Variants in GPATCH11 observed in about 807,000 individuals in gnomAD.
GPATCH11 encodes G patch domain-containing protein 11.
A neutral mutation model predicts 44.8 loss-of-function variants in GPATCH11; 32 were observed. That is an observed-to-expected ratio of 0.71 (90% CI 0.54 to 0.96). The LOEUF is 0.96. GPATCH11 is among the 40% of genes least tolerant of loss of function. The pLI is 0.00. For synonymous variants in GPATCH11, 84 were observed against 94.4 expected, an observed-to-expected ratio of 0.89 and a Z score of 0.64; for missense variants, 324 against 303.1, an observed-to-expected ratio of 1.07 and a Z score of -0.51.
In GPATCH11 at chr2:37,088,350, A is replaced by G. The variant is rs770190654; in HGVS notation, c.-13-19A>G. 2 of 1,288,580 alleles carry G rather than the reference A, an allele frequency of 1.6e-6. No homozygotes were observed. The highest frequency in any genetic ancestry group is 2.2e-6 in the Non-Finnish European group (2 of 929,212). 79.8% of individuals were successfully genotyped at this position (1,288,580 alleles called of 1,614,324 possible). ...TTCTGATAAACTAAAAAAAAAAGTA[A>G]TTATTACTTTATTTGTAGATACTAT... On this transcript the variant is annotated intron_variant, in intron 1 of 8. Transcript: ENST00000674370.
At chr2:37,085,397 G>A (rs1373212058) in intron 1 of GPATCH11, among the ~76,000 whole-genome samples, 1 of 152,300 alleles carries the variant, frequency 6.6e-6, no homozygotes, top group Non-Finnish European at 1.5e-5. Context: ...TACTGGGTAA[G>A]TGTTAAACCA....
At chr2:37,092,864 G>A (rs990433333) in intron 6 of GPATCH11, among the ~76,000 whole-genome samples, 1 of 152,098 alleles carries the variant, frequency 6.6e-6, no homozygotes, top group African/African-American at 2.4e-5. Flanking sequence ...AATCAGAGTG[G>A]GCCAGGCATG....
intron 6 of GPATCH11, among the ~76,000 whole-genome samples, chr2:37,092,970 A>G (rs1383077410): frequency 1.3e-5 from 2 of 151,476 alleles, no homozygotes; most frequent in Non-Finnish European, 2.9e-5. Flanking sequence ...ACATTTCAAG[A>G]CTCCATCTCT....
At chr2:37,094,985 A>G (rs908255632) in intron 7 of GPATCH11, among the ~76,000 whole-genome samples, 8 of 152,190 alleles carry the variant, frequency 5.3e-5, no homozygotes, top group African/African-American at 1.4e-4. Flanking sequence ...CAAGAAAGGA[A>G]AACACACTCG....
rs1322782916 is a variant in GPATCH11, at chr2:37,089,653, C to T, written c.73C>T (p.Pro25Ser). 6.5e-7 allele frequency: 1 copy of T among 1,550,256 alleles called. No individual in the cohort carries two copies. Among genetic ancestry groups the T allele is most frequent in the Non-Finnish European group, 8.7e-7 (1 of 1,146,436 alleles). The change falls in exon 3 of 9, where the codon CCA becomes TCA. Residue 25 changes from proline (P) to serine (S), a missense_variant. Pro to Ser is a moderately conservative substitution (Grantham distance 74). Transcript: ENST00000674370. The part of the protein sequence containing the change: ...SFINVQEDIR[P>S]GLPMLRQIRE... ...TCCCTTATTCAGAGAAGATATCAGACCAGGATTGCCAATGCTAAGGCAAAT... is the reference window on the plus strand; with the variant it reads ...TCCCTTATTCAGAGAAGATATCAGATCAGGATTGCCAATGCTAAGGCAAAT...
At position 37,092,264 on chromosome 2, in the gene GPATCH11, T is replaced by A. The variant is rs200535916; in HGVS notation, c.540+9T>A. On this transcript the variant is annotated intron_variant, in intron 6 of 8. Coordinates refer to ENST00000674370, the MANE Select transcript of GPATCH11 (RefSeq NM_174931.4). ...AACTGGATGTCCAGAAAGTAAGCCT[T>A]TTACCAGCTTTCAGTTTAGTAAAGT... The A allele has an allele frequency of 4.1e-4, 572 of 1,409,384 alleles. 4 individuals carry two copies. The South Asian group carries it at 7.7e-3, about 19-fold the overall frequency. The allele number at this position is 1,409,384 out of a possible 1,614,324, so 87.3% of individuals were successfully genotyped here.
At chr2:37,093,820 C>T (rs984046328) in intron 6 of GPATCH11, among the ~76,000 whole-genome samples, 1 of 152,072 alleles carries the variant, frequency 6.6e-6, no homozygotes, top group African/African-American at 2.4e-5. Flanking sequence ...CCACGCCCAG[C>T]TAATTTTTGT....
intron 2 of GPATCH11, among the ~76,000 whole-genome samples, chr2:37,089,393 C>G (rs1673196801): frequency 1.3e-5 from 2 of 151,910 alleles, no homozygotes; most frequent in Admixed American, 6.6e-5. Context: ...ATGGCAAAAC[C>G]CCGTCTCTAC....
chr2:37,090,781 A>C lies in GPATCH11; in HGVS notation c.328+59A>C. 6.2e-6 allele frequency: 5 copies of C among 802,064 alleles called. No homozygotes were observed. The South Asian group carries it at 8.8e-5, about 14-fold the overall frequency. 49.7% of individuals were successfully genotyped at this position (802,064 alleles called of 1,614,324 possible). ...ATAATAACTTACGCTTAGGTCTACC[A>C]CATATATTTGCTCAATAAATACTTT... On this transcript the variant is annotated intron_variant, in intron 4 of 8. Transcript: ENST00000674370.
Position 37,084,524 on chromosome 2 carries a change from AGC to A in GPATCH11, c.-53_-52del, listed in dbSNP as rs3084427. On this transcript the variant is annotated 5_prime_UTR_variant, in exon 1 of 9. The change creates a premature stop within an existing upstream ORF in the 5' untranslated region. Coordinates refer to ENST00000674370, the MANE Select transcript of GPATCH11 (RefSeq NM_174931.4). Reference sequence around the variant, plus strand: ...GACGCTGGTCGGTGGGCGCATGCGCAGCGCGCGCTCTACGGCGCTGAACCGGG... The same window carrying A: ...GACGCTGGTCGGTGGGCGCATGCGCAGCGCGCTCTACGGCGCTGAACCGGG... 2 of 1,232,618 alleles carry A rather than the reference AGC, an allele frequency of 1.6e-6. No individual in the cohort carries two copies. Among genetic ancestry groups the A allele is most frequent in the Non-Finnish European group, 2.0e-6 (2 of 988,314 alleles). 76.4% of individuals were successfully genotyped at this position (1,232,618 alleles called of 1,614,324 possible).
chr2:37,085,499 G>A (rs1480251187), intron 1 of GPATCH11, among the ~76,000 whole-genome samples: 1 of 152,162 alleles, frequency 6.6e-6, no homozygotes, highest in African/African-American at 2.4e-5. Flanking sequence ...AATAGTGCAC[G>A]TTTTTAACTT....
At position 37,090,709 on chromosome 2, in the gene GPATCH11, C is replaced by A; in HGVS notation, c.315C>A (p.Leu105=). Residue 105 remains leucine (L), a synonymous_variant, in exon 4 of 9, where the codon CTC becomes CTA. Coordinates refer to ENST00000674370, the MANE Select transcript of GPATCH11 (RefSeq NM_174931.4). ...GTGGTATTGTTGAACCAATTCCTCT[C>A]AATATCAAAACAGGTACGTAATTAT... ...SGGGIVEPIP[L]NIKTGKSGIG... The A allele has an allele frequency of 6.8e-7, 1 of 1,463,440 alleles. No homozygotes were observed. The highest frequency in any genetic ancestry group is 9.3e-7 in the Non-Finnish European group (1 of 1,072,772). 90.7% of individuals were successfully genotyped at this position (1,463,440 alleles called of 1,614,324 possible). A position where few individuals can be genotyped will look rare whatever the true frequency, so the allele number is the denominator to read the frequency against.
chr2:37,095,539 T>C (rs1275523301), intron 8 of GPATCH11, 21 bp downstream of exon 8: 3 of 1,557,642 alleles, frequency 1.9e-6, no homozygotes, highest in Middle Eastern at 1.7e-4. Flanking sequence ...TACTTTATGC[T>C]TTTTAAAAAT....
chr2:37,084,660 C>A, intron 1 of GPATCH11, 90 bp downstream of exon 1: 1 of 1,077,852 alleles, frequency 9.3e-7, no homozygotes, highest in Non-Finnish European at 1.2e-6. Context: ...ATCACACCGT[C>A]AGCCACTTTT....
intron 2 of GPATCH11, among the ~76,000 whole-genome samples, chr2:37,089,435 T>C (rs1673199989): frequency 6.6e-6 from 1 of 152,022 alleles, no homozygotes; most frequent in Admixed American, 6.6e-5. Context: ...GGCATGGTCG[T>C]GGGCGCCTGT....
chr2:37,089,311 A>C (rs997649004), intron 2 of GPATCH11, among the ~76,000 whole-genome samples: 32 of 152,170 alleles, frequency 2.1e-4, no homozygotes, highest in Non-Finnish European at 8.8e-5. Flanking sequence ...TCACGCCTGT[A>C]ATCCCAGCAC....
Position 37,098,443 on chromosome 2 carries a change from T to C in GPATCH11, c.*2180T>C, listed in dbSNP as rs1233273726. Reference sequence around the variant, plus strand: ...TTACCCTTGCAATTCCAGTCAATACTGTGGTGTCATTTCAGCCAACATACC... The same window carrying C: ...TTACCCTTGCAATTCCAGTCAATACCGTGGTGTCATTTCAGCCAACATACC... On this transcript the variant is annotated 3_prime_UTR_variant, in exon 9 of 9. Coordinates refer to ENST00000674370, the MANE Select transcript of GPATCH11 (RefSeq NM_174931.4). 1 of 151,630 alleles carries C rather than the reference T, an allele frequency of 6.6e-6. No homozygotes were observed. The highest frequency in any genetic ancestry group is 1.5e-5 in the Non-Finnish European group (1 of 67,964). The allele number at this position is 151,630 out of a possible 1,614,324, so 9.4% of individuals were successfully genotyped here.
intron 1 of GPATCH11, among the ~76,000 whole-genome samples, chr2:37,084,949 C>T (rs1390585161): frequency 6.6e-6 from 1 of 152,168 alleles, no homozygotes; most frequent in African/African-American, 2.4e-5. Flanking sequence ...AAAAACTTAG[C>T]GTTATCTTGA....
At chr2:37,094,381 C>T (rs1673473611) in intron 7 of GPATCH11, 186 bp downstream of exon 7, 2 of 492,830 alleles carry the variant, frequency 4.1e-6, no homozygotes, top group Admixed American at 6.4e-5. Context: ...CCTCTCCAGA[C>T]ATTGCTAAAT....
Sources: allele counts gnomAD v4.1 joint callset (sites outside exome capture counted in the v4.1 genomes callset), GRCh38; gene constraint gnomAD v4.1.1; transcripts MANE v1.5; gene names NCBI Gene and HGNC (gene_info 2026-07-23, HGNC 2026-07-21).